CYP2C19: variants seen among roughly 807,000 people sequenced by gnomAD.
The protein encoded by CYP2C19 is cytochrome P450 family 2 subfamily C member 19, also known as cytochrome P450 2C19.
Under a neutral mutation model 40.9 loss-of-function variants are expected in CYP2C19, and 59 were observed. The observed-to-expected ratio is 1.44, with a 90% confidence interval of 1.17 to 1.79. The LOEUF is 1.79. Among genes scored for constraint, CYP2C19 ranks in the 40% most tolerant of loss-of-function variants. The pLI is 0.00. For missense variants in CYP2C19, 754 were observed against 596.9 expected (o/e 1.26, Z -2.74); for synonymous variants, 253 against 208.7 (o/e 1.21, Z -1.83).
At chr10:94,829,941 G>T (rs1012208311) in intron 6 of CYP2C19, among the ~76,000 whole-genome samples, 1 of 152,182 alleles carries the variant, frequency 6.6e-6, no homozygotes, top group Non-Finnish European at 1.5e-5. Flanking sequence ...GCCCCTGCTG[G>T]GGATTGCCTC....
intron 6 of CYP2C19, among the ~76,000 whole-genome samples, chr10:94,834,828 T>C (rs1169440305): frequency 2.0e-5 from 3 of 152,202 alleles, no homozygotes; most frequent in African/African-American, 4.8e-5. Context: ...GTGGAAGTGG[T>C]CACCTTCCCA....
At chr10:94,779,848 G>T (rs1222267922) in intron 3 of CYP2C19, among the ~76,000 whole-genome samples, 12 of 152,104 alleles carry the variant, frequency 7.9e-5, no homozygotes, top group Non-Finnish European at 5.9e-5. Context: ...GCATGAGCCA[G>T]TGTGCCCTAT....
At chr10:94,793,815 A>G (rs1848643800) in intron 5 of CYP2C19, among the ~76,000 whole-genome samples, 1 of 152,104 alleles carries the variant, frequency 6.6e-6, no homozygotes, top group Non-Finnish European at 1.5e-5. Flanking sequence ...CCAGGTACCC[A>G]CTTGAGGAGG....
chr10:94,779,120 G>C (rs958386800), intron 3 of CYP2C19, among the ~76,000 whole-genome samples: 2 of 152,006 alleles, frequency 1.3e-5, no homozygotes, highest in African/African-American at 4.8e-5. Flanking sequence ...TTGAGGGGTT[G>C]GGGGGCAAGG....
chr10:94,793,182 C>T lies in CYP2C19; in HGVS notation c.819+11185C>T, dbSNP rs530811870. Among the ~76,000 whole-genome samples the T allele has an allele frequency of 1.0e-3, 155 of 152,254 alleles. 1 individual carries two copies. Among genetic ancestry groups the T allele is most frequent in the African/African-American group, 3.6e-3 (148 of 41,558 alleles). On this transcript the variant is annotated intron_variant, in intron 5 of 8. Coordinates refer to ENST00000371321, the MANE Select transcript of CYP2C19 (RefSeq NM_000769.4). The stretch of plus-strand genomic sequence containing the variant: ...GCTTGTGCATGCATCACATAGTTCT[C>T]ATGACATGGTTTTCAGTTCCATCAG...
intron 5 of CYP2C19, among the ~76,000 whole-genome samples, chr10:94,798,867 C>T (rs1848726284): frequency 8.3e-6 from 1 of 120,764 alleles, no homozygotes; most frequent in South Asian, 2.6e-4. Context: ...AGATCTTCCT[C>T]CATCCCTTTA....
intron 5 of CYP2C19, among the ~76,000 whole-genome samples, chr10:94,792,827 G>A (rs1160034920): frequency 6.6e-5 from 10 of 152,098 alleles, no homozygotes; most frequent in African/African-American, 2.2e-4. Flanking sequence ...TGACAATTAT[G>A]TGTCATGGGG....
chr10:94,812,975 C>T (rs1354647717), intron 5 of CYP2C19, among the ~76,000 whole-genome samples: 1 of 150,970 alleles, frequency 6.6e-6, no homozygotes, highest in Non-Finnish European at 1.5e-5. Context: ...CCTTTTTGTG[C>T]TGTTTTTTTT....
chr10:94,766,299 G>A (rs986498759), intron 1 of CYP2C19, among the ~76,000 whole-genome samples: 2 of 109,946 alleles, frequency 1.8e-5, no homozygotes, highest in East Asian at 2.5e-4. Flanking sequence ...GAAGGGGAGG[G>A]GTGATTGAGG....
At chr10:94,824,608 GA>G (rs1358341559) in intron 6 of CYP2C19, among the ~76,000 whole-genome samples, 2 of 151,954 alleles carry the variant, frequency 1.3e-5, no homozygotes, top group East Asian at 3.9e-4. Context: ...TTTTTTCCAA[GA>G]CAGTAATTTC....
intron 5 of CYP2C19, among the ~76,000 whole-genome samples, chr10:94,809,257 C>A (rs1848880020): frequency 6.6e-6 from 1 of 152,122 alleles, no homozygotes; most frequent in African/African-American, 2.4e-5. Flanking sequence ...CTATTCAAAT[C>A]TTTTGCCCAC....
chr10:94,853,102 C>A lies in CYP2C19; in HGVS notation c.*188C>A. ...GCAAATATATCTGCTATTCCCCATACTCTATAATAGTTACATTGAGTGCCA... is the reference window on the plus strand; with the variant it reads ...GCAAATATATCTGCTATTCCCCATAATCTATAATAGTTACATTGAGTGCCA... On this transcript the variant is annotated 3_prime_UTR_variant, in exon 9 of 9. Coordinates refer to ENST00000371321, the MANE Select transcript of CYP2C19 (RefSeq NM_000769.4). The A allele has an allele frequency of 1.6e-6, 1 of 618,142 alleles. No individual in the cohort carries two copies. The highest frequency in any genetic ancestry group is 3.0e-5 in the Admixed American group (1 of 33,718). The allele number at this position is 618,142 out of a possible 1,614,324, so 38.3% of individuals were successfully genotyped here.
chr10:94,778,925 A>G (rs907563112), intron 3 of CYP2C19, among the ~76,000 whole-genome samples: 6 of 152,230 alleles, frequency 3.9e-5, no homozygotes, highest in African/African-American at 1.4e-4. Flanking sequence ...GTGGACTACT[A>G]TGCAGCCATT....
intron 5 of CYP2C19, among the ~76,000 whole-genome samples, chr10:94,815,852 A>C (rs1232429014): frequency 6.6e-6 from 1 of 152,170 alleles, no homozygotes; most frequent in African/African-American, 2.4e-5. Context: ...TTTATAATGA[A>C]TCTGCAGGCA....
At chr10:94,840,772 A>C (rs1849482754) in intron 6 of CYP2C19, among the ~76,000 whole-genome samples, 2 of 152,202 alleles carry the variant, frequency 1.3e-5, no homozygotes, top group South Asian at 4.1e-4. Flanking sequence ...GAAAATTGGA[A>C]GTGGAAGCTG....
At chr10:94,765,434 A>G (rs944257822) in intron 1 of CYP2C19, among the ~76,000 whole-genome samples, 11 of 152,044 alleles carry the variant, frequency 7.2e-5, no homozygotes, top group African/African-American at 2.4e-4. Context: ...TGTGTATGTT[A>G]AAAAGGTGTG....
At chr10:94,812,974 G>A (rs552176940) in intron 5 of CYP2C19, among the ~76,000 whole-genome samples, 2 of 151,300 alleles carry the variant, frequency 1.3e-5, no homozygotes, top group South Asian at 4.2e-4. Flanking sequence ...GCCTTTTTGT[G>A]CTGTTTTTTT....
chr10:94,832,428 G>T (rs1849349094), intron 6 of CYP2C19, among the ~76,000 whole-genome samples: 1 of 152,190 alleles, frequency 6.6e-6, no homozygotes, highest in African/African-American at 2.4e-5. Flanking sequence ...CATGACAACA[G>T]TATGGGGGAA....
chr10:94,764,959 C>T (rs1235254409), intron 1 of CYP2C19, among the ~76,000 whole-genome samples: 2 of 152,028 alleles, frequency 1.3e-5, no homozygotes, highest in Non-Finnish European at 2.9e-5. Flanking sequence ...CATACTATTC[C>T]TGATTGGTTA....
Sources: allele counts gnomAD v4.1 joint callset (sites outside exome capture counted in the v4.1 genomes callset), GRCh38; gene constraint gnomAD v4.1.1; transcripts MANE v1.5; gene names NCBI Gene and HGNC (gene_info 2026-07-23, HGNC 2026-07-21).